Variants in RIMS1 observed in about 807,000 individuals in gnomAD.
RIMS1 encodes regulating synaptic membrane exocytosis 1, also known as regulating synaptic membrane exocytosis protein 1.
A neutral mutation model predicts 214.1 loss-of-function variants in RIMS1; 83 were observed. The ratio of observed to expected loss-of-function variants is 0.39; its 90% CI spans 0.32 to 0.47. The LOEUF is 0.47. RIMS1 is among the 20% of genes least tolerant of loss of function. The probability of loss-of-function intolerance (pLI) is 0.99; values close to 1 mark genes in which losing one functional copy is unlikely to be tolerated. For missense variants in RIMS1, 2,050 were observed against 2,161.8 expected (o/e 0.95, Z 1.03); for synonymous variants, 793 against 786.8 (o/e 1.01, Z -0.13).
chr6:72,127,886 C>T (rs1218236009), intron 4 of RIMS1, among the ~76,000 whole-genome samples: 1 of 152,164 alleles, frequency 6.6e-6, no homozygotes, highest in African/African-American at 2.4e-5. Context: ...CAAGTAGGTA[C>T]AACCCACTCC....
intron 1 of RIMS1, among the ~76,000 whole-genome samples, chr6:71,933,682 T>TCACACACACACACACACA (rs10642216): frequency 5.7e-5 from 8 of 139,312 alleles, no homozygotes; most frequent in Middle Eastern, 3.4e-3. Flanking sequence ...TCTTCCTCAA[T>TCACACACACACACACACA]CACACACACA....
chr6:72,111,889 C>G (rs2036163181), intron 4 of RIMS1, among the ~76,000 whole-genome samples: 1 of 152,116 alleles, frequency 6.6e-6, no homozygotes, highest in South Asian at 2.1e-4. Context: ...TTGTCTCCAG[C>G]CTCTGGAGGT....
chr6:72,038,090 C>CAAA lies in RIMS1; in HGVS notation c.246-58832_246-58830dup, dbSNP rs869130217. ...TTCAGTTCTCTGTTGAACAAACAAG[C>CAAA]AAAAAAAAAAAAAAAAAAAAAAAAA... On this transcript the variant is annotated intron_variant, in intron 2 of 33. Transcript: ENST00000521978. Among the ~76,000 whole-genome samples, 15 of 22,240 alleles carry CAAA rather than the reference C, an allele frequency of 6.7e-4. 2 individuals are homozygous for CAAA. The highest frequency in any genetic ancestry group is 1.1e-3 in the Admixed American group (1 of 910). 14.6% of individuals were successfully genotyped at this position (22,240 alleles called of 152,430 possible). A position where few individuals can be genotyped will look rare whatever the true frequency, so the allele number is the denominator to read the frequency against.
At chr6:72,028,318 T>C (rs1354123387) in intron 2 of RIMS1, among the ~76,000 whole-genome samples, 1 of 152,178 alleles carries the variant, frequency 6.6e-6, no homozygotes, top group African/African-American at 2.4e-5. Context: ...CTAGTAAATA[T>C]ATAGACCTAA....
chr6:72,364,256 C>T lies in RIMS1; in HGVS notation c.4367-26342C>T, dbSNP rs761848229. Among the ~76,000 whole-genome samples, 21 of 152,234 alleles carry T rather than the reference C, an allele frequency of 1.4e-4. No homozygotes were observed. In the Middle Eastern group the frequency reaches 0.01, roughly 74 times the overall value. ...ACACTGTTTTGTAAAAGCTTACTGC[C>T]CCTTCTGACACATTATAACGAGGAA... On this transcript the variant is annotated intron_variant, in intron 29 of 33. Coordinates refer to ENST00000521978, the MANE Select transcript of RIMS1 (RefSeq NM_014989.7).
At chr6:72,142,509 C>T (rs1407832659) in intron 4 of RIMS1, among the ~76,000 whole-genome samples, 1 of 151,986 alleles carries the variant, frequency 6.6e-6, no homozygotes, top group African/African-American at 2.4e-5. Flanking sequence ...ATATTATTTT[C>T]AAAATCTATC....
At chr6:72,061,982 C>A (rs1827987001) in intron 2 of RIMS1, among the ~76,000 whole-genome samples, 1 of 152,264 alleles carries the variant, frequency 6.6e-6, no homozygotes, top group East Asian at 1.9e-4. Flanking sequence ...TGTGCTTGAC[C>A]TTTACTCACG....
chr6:72,376,893 T>C (rs2098398957), intron 29 of RIMS1, among the ~76,000 whole-genome samples: 2 of 152,186 alleles, frequency 1.3e-5, no homozygotes, highest in African/African-American at 4.8e-5. Flanking sequence ...TGATAGTTCC[T>C]TCAAATGGAT....
chr6:72,326,050 TTTG>T (rs1447995241), intron 28 of RIMS1, among the ~76,000 whole-genome samples: 2 of 151,824 alleles, frequency 1.3e-5, no homozygotes, highest in Non-Finnish European at 1.5e-5. Flanking sequence ...TCATATAATT[TTTG>T]TTATTTAACT....
intron 1 of RIMS1, among the ~76,000 whole-genome samples, chr6:71,905,438 A>T (rs1000913497): frequency 6.6e-6 from 1 of 152,100 alleles, no homozygotes; most frequent in Non-Finnish European, 1.5e-5. Context: ...GAGCAGGTAG[A>T]ATTAACATAC....
chr6:72,025,467 A>G (rs1816142491), intron 2 of RIMS1, among the ~76,000 whole-genome samples: 1 of 152,190 alleles, frequency 6.6e-6, no homozygotes, highest in Non-Finnish European at 1.5e-5. Context: ...CAAAATATTT[A>G]TATATTGCTA....
At chr6:72,228,178 C>A (rs1399293609) in intron 6 of RIMS1, among the ~76,000 whole-genome samples, 5 of 151,800 alleles carry the variant, frequency 3.3e-5, no homozygotes, top group Non-Finnish European at 7.4e-5. Flanking sequence ...TTAAGATTTA[C>A]CTTCTTAGCA....
At chr6:72,211,554 A>G (rs1214491723) in intron 6 of RIMS1, among the ~76,000 whole-genome samples, 1 of 152,154 alleles carries the variant, frequency 6.6e-6, no homozygotes, top group African/African-American at 2.4e-5. Context: ...GAAATAATAT[A>G]TACATTTTTC....
At chr6:72,247,577 G>A (rs1590407255) in intron 11 of RIMS1, among the ~76,000 whole-genome samples, 1 of 149,792 alleles carries the variant, frequency 6.7e-6, no homozygotes, top group Non-Finnish European at 1.5e-5. Flanking sequence ...TGGTATATCT[G>A]ATTTTAAAAC....
intron 29 of RIMS1, among the ~76,000 whole-genome samples, chr6:72,335,790 T>C (rs761397914): frequency 5.9e-5 from 9 of 152,034 alleles, no homozygotes; most frequent in Non-Finnish European, 1.2e-4. Flanking sequence ...TGGTATCTCA[T>C]TGTGGTTTTG....
intron 4 of RIMS1, among the ~76,000 whole-genome samples, chr6:72,117,975 G>A (rs977841109): frequency 1.3e-5 from 2 of 151,632 alleles, no homozygotes; most frequent in African/African-American, 4.8e-5. Flanking sequence ...AAAGAGATAT[G>A]AAACTAAAAA....
intron 6 of RIMS1, among the ~76,000 whole-genome samples, chr6:72,207,658 A>G (rs562532988): frequency 6.3e-4 from 96 of 152,290 alleles, no homozygotes; most frequent in Middle Eastern, 3.4e-3. Context: ...AAAACTGTCA[A>G]CATATCAAAG....
At chr6:72,189,480 C>T (rs2049703635) in intron 6 of RIMS1, among the ~76,000 whole-genome samples, 1 of 152,210 alleles carries the variant, frequency 6.6e-6, no homozygotes, top group African/African-American at 2.4e-5. Context: ...TTGGCAGCAG[C>T]ATTGCATGCA....
intron 6 of RIMS1, 65 bp downstream of exon 6, chr6:72,183,214 G>A (rs960536880): frequency 4.6e-6 from 7 of 1,517,068 alleles, no homozygotes; most frequent in Non-Finnish European, 6.2e-6. Context: ...CAGAGGTGCA[G>A]GTGCTAGGCT....
Sources: gnomAD v4.1 joint callset for allele counts (sites outside exome capture counted in the v4.1 genomes callset) on GRCh38, gnomAD v4.1.1 for gene constraint, MANE v1.5 for transcripts, NCBI Gene and HGNC (gene_info 2026-07-23, HGNC 2026-07-21) for gene names.